The following CCDC178 variants were observed in gnomAD, a reference collection of about 807,000 sequenced individuals.
CCDC178 encodes the protein coiled-coil domain containing 178.
Under a neutral mutation model 117.4 loss-of-function variants are expected in CCDC178, and 126 were observed. That is an observed-to-expected ratio of 1.07 (90% CI 0.93 to 1.24). The LOEUF (loss-of-function observed/expected upper bound fraction) is 1.24, where lower values mean the gene tolerates loss of function less well. Ranked by LOEUF, CCDC178 falls within the 50% of genes most tolerant of loss-of-function variation. The pLI is 0.00. For missense variants in CCDC178, 1,030 were observed against 986.9 expected, an observed-to-expected ratio of 1.04 and a Z score of -0.59; for synonymous variants, 283 against 313.4, an observed-to-expected ratio of 0.90 and a Z score of 1.02.
intron 21 of CCDC178, among the ~76,000 whole-genome samples, chr18:33,024,832 T>C (rs2056193895): frequency 6.6e-6 from 1 of 150,840 alleles, no homozygotes; most frequent in East Asian, 2.0e-4. Context: ...TTTGTATTTT[T>C]AGTAGAGACG....
chr18:33,324,397 G>T (rs1212357660), intron 10 of CCDC178, among the ~76,000 whole-genome samples: 3 of 151,902 alleles, frequency 2.0e-5, no homozygotes, highest in Non-Finnish European at 4.4e-5. Context: ...TATACTGCAG[G>T]TTCTTGAATA....
At chr18:33,325,437 C>A (rs1380037658) in intron 10 of CCDC178, among the ~76,000 whole-genome samples, 2 of 151,844 alleles carry the variant, frequency 1.3e-5, no homozygotes, top group Non-Finnish European at 1.5e-5. Flanking sequence ...AGTAATTTTT[C>A]AAATATGTAT....
At chr18:33,427,307 G>A (rs2144955090) in intron 2 of CCDC178, among the ~76,000 whole-genome samples, 1 of 152,092 alleles carries the variant, frequency 6.6e-6, no homozygotes, top group South Asian at 2.1e-4. Context: ...TAACTTAATA[G>A]GAGACAAGAA....
intron 9 of CCDC178, among the ~76,000 whole-genome samples, chr18:33,343,053 A>C (rs1009649948): frequency 6.6e-6 from 1 of 152,126 alleles, no homozygotes; most frequent in Non-Finnish European, 1.5e-5. Flanking sequence ...GGAATGCAGT[A>C]ATTCTCCAAA....
intron 2 of CCDC178, among the ~76,000 whole-genome samples, chr18:33,438,518 T>TACAC (rs113727839): frequency 2.9e-4 from 43 of 146,526 alleles, no homozygotes; most frequent in South Asian, 6.5e-4. Flanking sequence ...ATATACGGCA[T>TACAC]ACACACACAC....
intron 22 of CCDC178, among the ~76,000 whole-genome samples, chr18:32,947,250 A>G (rs1465791673): frequency 1.3e-5 from 2 of 152,250 alleles, no homozygotes; most frequent in Non-Finnish European, 2.9e-5. Flanking sequence ...GCCAGATTAT[A>G]GAATATGCAT....
At chr18:33,246,062 C>T (rs1321986012) in intron 14 of CCDC178, among the ~76,000 whole-genome samples, 1 of 151,854 alleles carries the variant, frequency 6.6e-6, no homozygotes, top group Non-Finnish European at 1.5e-5. Context: ...ACTAACTCCA[C>T]ATTATAATAA....
At chr18:33,398,366 G>A (rs879443962) in intron 3 of CCDC178, among the ~76,000 whole-genome samples, 2 of 151,940 alleles carry the variant, frequency 1.3e-5, no homozygotes, top group Admixed American at 6.6e-5. Flanking sequence ...GTATCTCAAA[G>A]AAATTTTTAA....
At chr18:33,105,360 T>G (rs1354971940) in intron 20 of CCDC178, among the ~76,000 whole-genome samples, 2 of 151,712 alleles carry the variant, frequency 1.3e-5, no homozygotes, top group African/African-American at 4.8e-5. Flanking sequence ...CATAAAAACT[T>G]TCTGCTCTTA....
intron 20 of CCDC178, among the ~76,000 whole-genome samples, chr18:33,104,401 C>T (rs552501807): frequency 1.3e-4 from 20 of 151,660 alleles, no homozygotes; most frequent in Admixed American, 7.9e-4. Context: ...CTCTCTATGC[C>T]TTCTTTTTAT....
intron 14 of CCDC178, among the ~76,000 whole-genome samples, chr18:33,251,192 A>G (rs1778536690): frequency 6.6e-6 from 1 of 151,738 alleles, no homozygotes; most frequent in South Asian, 2.1e-4. Flanking sequence ...TTCATACTTT[A>G]TAAAATGAGC....
intron 15 of CCDC178, among the ~76,000 whole-genome samples, chr18:33,237,897 G>A (rs1056712513): frequency 6.6e-6 from 1 of 152,194 alleles, no homozygotes; most frequent in Non-Finnish European, 1.5e-5. Flanking sequence ...CAACCCCAGT[G>A]AGCCAGACCC....
rs185939914 is a variant in CCDC178 at position 32,962,469 on chromosome 18, G to C, written c.2523+12078C>G. Among the ~76,000 whole-genome samples the C allele has an allele frequency of 1.8e-3, 278 of 152,090 alleles. 1 individual carries two copies. Among genetic ancestry groups the C allele is most frequent in the Non-Finnish European group, 3.0e-3 (205 of 67,956 alleles). The stretch of plus-strand genomic sequence containing the variant: ...GGTCAGCAATTCTCTCCACTTTCAT[G>C]TATCTAAAATATCTTTGTTTTGCCT... On this transcript the variant is annotated intron_variant, in intron 22 of 22. Coordinates refer to ENST00000383096, the MANE Select transcript of CCDC178 (RefSeq NM_001105528.4).
chr18:32,952,522 G>A (rs1352179506), intron 22 of CCDC178, among the ~76,000 whole-genome samples: 1 of 152,110 alleles, frequency 6.6e-6, no homozygotes, highest in East Asian at 1.9e-4. Flanking sequence ...TTCTTTCTAT[G>A]TGGCCACATA....
intron 21 of CCDC178, among the ~76,000 whole-genome samples, chr18:33,001,353 A>C (rs1203963243): frequency 1.3e-5 from 2 of 151,974 alleles, no homozygotes; most frequent in Non-Finnish European, 2.9e-5. Flanking sequence ...CCCCTACTAA[A>C]ATACAAAAAA....
intron 15 of CCDC178, among the ~76,000 whole-genome samples, chr18:33,244,384 G>C (rs1161194356): frequency 6.6e-6 from 1 of 151,892 alleles, no homozygotes; most frequent in African/African-American, 2.4e-5. Flanking sequence ...GTTTGGCTTT[G>C]TGTCCATACC....
In CCDC178 at chr18:33,224,774, C is replaced by A. The variant is rs766814350; in HGVS notation, c.1818+1G>T. Reference sequence around the variant, plus strand: ...AATTTTTGGATTAATTAAATGCTTACAACAGAATGTTCTTTGTCGAGACTT... The same window carrying A: ...AATTTTTGGATTAATTAAATGCTTAAAACAGAATGTTCTTTGTCGAGACTT... On this transcript the variant is annotated splice_donor_variant, in intron 17 of 22. Transcript: ENST00000383096. LOFTEE classifies it high-confidence loss of function. The A allele has an allele frequency of 6.6e-7, 1 of 1,504,262 alleles. No homozygotes were observed. Among genetic ancestry groups the A allele is most frequent in the South Asian group, 1.3e-5 (1 of 74,368 alleles). The allele number at this position is 1,504,262 out of a possible 1,614,324, so 93.2% of individuals were successfully genotyped here.
chr18:32,952,401 G>A (rs1392074933), intron 22 of CCDC178, among the ~76,000 whole-genome samples: 5 of 152,214 alleles, frequency 3.3e-5, no homozygotes, highest in Non-Finnish European at 7.3e-5. Context: ...AACACCATGT[G>A]TAGGCCACCA....
At chr18:33,332,801 A>G (rs1380711677) in intron 10 of CCDC178, among the ~76,000 whole-genome samples, 4 of 152,118 alleles carry the variant, frequency 2.6e-5, no homozygotes, top group African/African-American at 7.2e-5. Context: ...TTTAGTAGAC[A>G]TGGGGTTTCA....
Sources: gnomAD v4.1 joint callset for allele counts (sites outside exome capture counted in the v4.1 genomes callset) on GRCh38, gnomAD v4.1.1 for gene constraint, MANE v1.5 for transcripts, NCBI Gene and HGNC (gene_info 2026-07-23, HGNC 2026-07-21) for gene names.